The following OPCML variants were observed in gnomAD, a reference collection of about 807,000 sequenced individuals.
OPCML encodes the protein opioid binding protein/cell adhesion molecule like.
In OPCML, 13 loss-of-function variants were observed where a neutral mutation model predicts 37.8. The observed-to-expected ratio is 0.34, with a 90% CI of 0.22 to 0.55. The LOEUF is 0.55. Among genes scored for constraint, OPCML ranks in the 20% least tolerant of loss-of-function variants. OPCML has a pLI of 0.91. For missense variants in OPCML, 341 were observed against 435.6 expected (o/e 0.78, Z 1.93); for synonymous variants, 176 against 168.8 (o/e 1.04, Z -0.33).
intron 1 of OPCML, among the ~76,000 whole-genome samples, chr11:133,033,904 A>C (rs2136929463): frequency 6.6e-6 from 1 of 152,220 alleles, no homozygotes; most frequent in African/African-American, 2.4e-5. Context: ...CATGGTTCAA[A>C]ATTAAGTAAT....
chr11:133,249,082 T>A (rs973716338), intron 1 of OPCML, among the ~76,000 whole-genome samples: 7 of 152,158 alleles, frequency 4.6e-5, no homozygotes, highest in Non-Finnish European at 1.0e-4. Context: ...ACCAGTAACA[T>A]GAAAGGAGTA....
intron 1 of OPCML, among the ~76,000 whole-genome samples, chr11:133,425,903 C>A (rs753428769): frequency 2.6e-5 from 4 of 152,082 alleles, no homozygotes; most frequent in Non-Finnish European, 4.4e-5. Context: ...AAAATAAAGA[C>A]CTTTTCCTGT....
chr11:132,625,839 T>C (rs1233914046), intron 3 of OPCML, among the ~76,000 whole-genome samples: 1 of 152,078 alleles, frequency 6.6e-6, no homozygotes, highest in Non-Finnish European at 1.5e-5. Context: ...AAATTCCTAA[T>C]TGTAATGGGT....
At chr11:132,455,934 G>A (rs948023728) in intron 4 of OPCML, among the ~76,000 whole-genome samples, 1 of 152,176 alleles carries the variant, frequency 6.6e-6, no homozygotes, top group Non-Finnish European at 1.5e-5. Flanking sequence ...AACTTAAGTA[G>A]TGGAATCCTC....
chr11:132,642,569 G>T (rs921510495), intron 3 of OPCML, among the ~76,000 whole-genome samples: 2 of 152,168 alleles, frequency 1.3e-5, no homozygotes, highest in Admixed American at 6.5e-5. Context: ...GATAAGTGAA[G>T]GGACAGTTCT....
At chr11:133,157,081 T>G (rs541565943) in intron 1 of OPCML, among the ~76,000 whole-genome samples, 2 of 152,100 alleles carry the variant, frequency 1.3e-5, no homozygotes, top group Admixed American at 6.5e-5. Flanking sequence ...GCATTCTGCT[T>G]ATCAGGTCAC....
At chr11:133,509,095 T>C (rs1045108093) in intron 1 of OPCML, among the ~76,000 whole-genome samples, 1 of 152,156 alleles carries the variant, frequency 6.6e-6, no homozygotes, top group Non-Finnish European at 1.5e-5. Flanking sequence ...CTGGGATACA[T>C]GTGCAGGACG....
At chr11:133,401,206 A>G (rs1163885579) in intron 1 of OPCML, among the ~76,000 whole-genome samples, 1 of 152,180 alleles carries the variant, frequency 6.6e-6, no homozygotes, top group Non-Finnish European at 1.5e-5. Context: ...GAGTAAAATG[A>G]AATAATTGAT....
chr11:133,481,157 G>A (rs1240775344), intron 1 of OPCML, among the ~76,000 whole-genome samples: 1 of 152,132 alleles, frequency 6.6e-6, no homozygotes, highest in Non-Finnish European at 1.5e-5. Context: ...TTTGGGACCA[G>A]GATTTCATCA....
At chr11:132,845,332 T>C (rs1019113815) in intron 2 of OPCML, among the ~76,000 whole-genome samples, 1 of 152,228 alleles carries the variant, frequency 6.6e-6, no homozygotes, top group African/African-American at 2.4e-5. Flanking sequence ...CAGATGATGA[T>C]GGCAAACGCC....
At chr11:133,459,111 CAG>C (rs1308540184) in intron 1 of OPCML, among the ~76,000 whole-genome samples, 1 of 151,930 alleles carries the variant, frequency 6.6e-6, no homozygotes, top group Non-Finnish European at 1.5e-5. Flanking sequence ...TGTAAAGAAG[CAG>C]AGTTTTTGTA....
chr11:133,445,222 A>G (rs564381564), intron 1 of OPCML, among the ~76,000 whole-genome samples: 4 of 152,092 alleles, frequency 2.6e-5, no homozygotes, highest in African/African-American at 7.3e-5. Context: ...AGACCACCAT[A>G]ACCCATCTAC....
In OPCML at chr11:133,278,714, C is replaced by A. The variant is rs760881951; in HGVS notation, c.61+253550G>T. 2.0e-5 allele frequency among the ~76,000 whole-genome samples: 3 copies of A among 151,854 alleles called. No homozygotes were observed. The South Asian group carries it at 6.2e-4, about 31-fold the overall frequency. On this transcript the variant is annotated intron_variant, in intron 1 of 7. Coordinates refer to ENST00000524381, the MANE Select transcript of OPCML (RefSeq NM_001012393.5). Reference sequence around the variant, plus strand: ...TTCTCTAATTTAATACAAGTAGCAACAAACCTCATCTTTTTATTTGTTTGA... The same window carrying A: ...TTCTCTAATTTAATACAAGTAGCAAAAAACCTCATCTTTTTATTTGTTTGA...
chr11:132,982,727 AG>A (rs1449896403), intron 1 of OPCML, among the ~76,000 whole-genome samples: 7 of 152,174 alleles, frequency 4.6e-5, no homozygotes, highest in Admixed American at 2.0e-4. Context: ...TGATATTTGC[AG>A]GCAGAAAATC....
At chr11:132,622,844 C>T (rs1939503400) in intron 3 of OPCML, among the ~76,000 whole-genome samples, 1 of 152,142 alleles carries the variant, frequency 6.6e-6, no homozygotes, top group Non-Finnish European at 1.5e-5. Context: ...GGAAGCATCT[C>T]CATGCAGTGG....
intron 1 of OPCML, among the ~76,000 whole-genome samples, chr11:133,126,999 C>T (rs908214978): frequency 2.0e-5 from 3 of 152,194 alleles, no homozygotes; most frequent in Non-Finnish European, 4.4e-5. Context: ...CACATTTTCA[C>T]TGCATGGCCA....
intron 1 of OPCML, among the ~76,000 whole-genome samples, chr11:133,154,334 A>T (rs1246652641): frequency 1.3e-5 from 2 of 152,178 alleles, no homozygotes; most frequent in Non-Finnish European, 1.5e-5. Flanking sequence ...TCAAATCACG[A>T]ATTCCTTCTC....
At chr11:132,633,968 T>C (rs1940319488) in intron 3 of OPCML, among the ~76,000 whole-genome samples, 1 of 152,214 alleles carries the variant, frequency 6.6e-6, no homozygotes, top group Admixed American at 6.5e-5. Flanking sequence ...CCTGTCTTTC[T>C]TCTCCAGTGT....
intron 1 of OPCML, among the ~76,000 whole-genome samples, chr11:133,414,481 TG>T (rs371739827): frequency 6.6e-6 from 1 of 152,136 alleles, no homozygotes; most frequent in African/African-American, 2.4e-5. Flanking sequence ...CGAGACCTAG[TG>T]GGCTGTTGTC....
Sources: gnomAD v4.1 joint callset for allele counts (sites outside exome capture counted in the v4.1 genomes callset) on GRCh38, gnomAD v4.1.1 for gene constraint, MANE v1.5 for transcripts, NCBI Gene and HGNC (gene_info 2026-07-23, HGNC 2026-07-21) for gene names.